The following CCDC178 variants were observed in gnomAD, a reference collection of about 807,000 sequenced individuals.
CCDC178 encodes coiled-coil domain-containing protein 178.
In CCDC178, 126 loss-of-function variants were observed where a neutral mutation model predicts 117.4. That is an observed-to-expected ratio of 1.07 (90% CI 0.93 to 1.24). The LOEUF (loss-of-function observed/expected upper bound fraction) is 1.24, where lower values mean the gene tolerates loss of function less well. Ranked by LOEUF, CCDC178 falls within the 50% of genes most tolerant of loss-of-function variation. The pLI, the probability that CCDC178 is intolerant of heterozygous loss-of-function variation, is 0.00. For missense variants in CCDC178, 1,030 were observed against 986.9 expected (o/e 1.04, Z -0.59); for synonymous variants, 283 against 313.4 (o/e 0.90, Z 1.02).
intron 21 of CCDC178, among the ~76,000 whole-genome samples, chr18:33,001,371 G>T (rs2055629411): frequency 6.6e-6 from 1 of 151,692 alleles, no homozygotes; most frequent in African/African-American, 2.4e-5. Context: ...AAATTAGCCG[G>T]ATGTGGTGGT....
intron 21 of CCDC178, among the ~76,000 whole-genome samples, chr18:33,041,430 T>C (rs1036368560): frequency 1.3e-5 from 2 of 150,342 alleles, no homozygotes; most frequent in Non-Finnish European, 3.0e-5. Context: ...ATATAATGTA[T>C]AATATATGTT....
intron 2 of CCDC178, among the ~76,000 whole-genome samples, chr18:33,432,478 T>TACACACACACACACAC (rs56111462): frequency 1.4e-5 from 2 of 143,312 alleles, no homozygotes; most frequent in Non-Finnish European, 3.1e-5. Context: ...GCCTTCTCCA[T>TACACACACACACACAC]ACACACACAC....
At position 33,091,847 on chromosome 18, in the gene CCDC178, G is replaced by T. The variant is rs569426464; in HGVS notation, c.2388+914C>A. The stretch of plus-strand genomic sequence containing the variant: ...TTATTACTTACAAAGTACTCTGTGA[G>T]GTAAATCTTATTTTATAGATGAGAA... On this transcript the variant is annotated intron_variant, in intron 21 of 22. Transcript: ENST00000383096. Among the ~76,000 whole-genome samples, 41 of 152,156 alleles carry T rather than the reference G, an allele frequency of 2.7e-4. No individual in the cohort carries two copies. The South Asian group carries it at 8.5e-3, about 32-fold the overall frequency.
chr18:33,429,205 T>A (rs569672868), intron 2 of CCDC178, among the ~76,000 whole-genome samples: 5 of 152,106 alleles, frequency 3.3e-5, no homozygotes, highest in African/African-American at 1.2e-4. Context: ...GATTAATATA[T>A]AAATAGTTAG....
chr18:33,258,299 T>A (rs2059703116), intron 14 of CCDC178, among the ~76,000 whole-genome samples: 1 of 152,146 alleles, frequency 6.6e-6, no homozygotes, highest in Non-Finnish European at 1.5e-5. Context: ...TCATACAATT[T>A]TCTAGCAACA....
intron 17 of CCDC178, among the ~76,000 whole-genome samples, chr18:33,224,326 T>C (rs2059274938): frequency 6.6e-6 from 1 of 152,168 alleles, no homozygotes; most frequent in Non-Finnish European, 1.5e-5. Context: ...TGCCATAAAC[T>C]TGTAATTTTG....
At chr18:33,394,538 T>C (rs1006353171) in intron 4 of CCDC178, among the ~76,000 whole-genome samples, 3 of 151,954 alleles carry the variant, frequency 2.0e-5, no homozygotes, top group Admixed American at 2.0e-4. Flanking sequence ...TCAAATAACA[T>C]ATTACTTAAG....
chr18:33,256,702 T>G (rs2059684333), intron 14 of CCDC178, among the ~76,000 whole-genome samples: 1 of 152,086 alleles, frequency 6.6e-6, no homozygotes, highest in African/African-American at 2.4e-5. Context: ...TTCCACAACT[T>G]GAATATTTCT....
chr18:33,295,787 T>C (rs938578641), intron 11 of CCDC178, among the ~76,000 whole-genome samples: 12 of 152,144 alleles, frequency 7.9e-5, no homozygotes, highest in African/African-American at 2.7e-4. Context: ...AAAAAAATAG[T>C]GTTCTCTTGT....
chr18:33,295,793 C>T (rs1216210692), intron 11 of CCDC178, among the ~76,000 whole-genome samples: 9 of 152,066 alleles, frequency 5.9e-5, no homozygotes, highest in Non-Finnish European at 1.3e-4. Context: ...ATAGTGTTCT[C>T]TTGTAGAGAA....
chr18:33,192,915 A>G (rs1024523738), intron 20 of CCDC178, among the ~76,000 whole-genome samples: 4 of 148,310 alleles, frequency 2.7e-5, no homozygotes, highest in African/African-American at 1.0e-4. Flanking sequence ...AAAAAAAAAA[A>G]GAAAAAGAAG....
At chr18:33,022,616 T>C (rs767641485) in intron 21 of CCDC178, among the ~76,000 whole-genome samples, 15 of 151,870 alleles carry the variant, frequency 9.9e-5, no homozygotes, top group Non-Finnish European at 1.9e-4. Context: ...AAAATCCAAG[T>C]GAAATTCAAA....
chr18:33,113,340 T>C (rs1441055030), intron 20 of CCDC178, among the ~76,000 whole-genome samples: 4 of 152,108 alleles, frequency 2.6e-5, no homozygotes, highest in Non-Finnish European at 5.9e-5. Context: ...TGTTGGACTT[T>C]ATTTATTTTA....
intron 21 of CCDC178, among the ~76,000 whole-genome samples, chr18:33,005,704 A>T (rs1055750725): frequency 6.6e-6 from 1 of 152,028 alleles, no homozygotes; most frequent in Admixed American, 6.6e-5. Context: ...CCTTTGTTAG[A>T]CTATTTCATG....
intron 15 of CCDC178, among the ~76,000 whole-genome samples, chr18:33,244,523 GT>G (rs1206955195): frequency 6.6e-6 from 1 of 151,834 alleles, no homozygotes; most frequent in East Asian, 1.9e-4. Flanking sequence ...TGATTTGATG[GT>G]TTTATAAGGG....
chr18:33,097,073 A>G (rs537316691), intron 20 of CCDC178, among the ~76,000 whole-genome samples: 1 of 152,256 alleles, frequency 6.6e-6, no homozygotes, highest in Admixed American at 6.5e-5. Context: ...ATCCAAAGGT[A>G]CAGTCTATTT....
chr18:32,985,458 T>C (rs1031191254), intron 21 of CCDC178, among the ~76,000 whole-genome samples: 14 of 151,960 alleles, frequency 9.2e-5, no homozygotes, highest in African/African-American at 3.4e-4. Context: ...AGAATTGTTC[T>C]AGCACTAGAA....
intron 20 of CCDC178, among the ~76,000 whole-genome samples, chr18:33,151,098 T>C (rs977611150): frequency 3.3e-5 from 5 of 152,200 alleles, no homozygotes; most frequent in Non-Finnish European, 5.9e-5. Context: ...TTGGGGAGGC[T>C]GGAAGAGGGT....
At chr18:33,024,303 G>A (rs1051499334) in intron 21 of CCDC178, among the ~76,000 whole-genome samples, 1 of 152,142 alleles carries the variant, frequency 6.6e-6, no homozygotes, top group Admixed American at 6.5e-5. Flanking sequence ...ACATGTCAAG[G>A]ATCAAGGTGC....
Sources: gnomAD v4.1 joint callset for allele counts (sites outside exome capture counted in the v4.1 genomes callset) on GRCh38, gnomAD v4.1.1 for gene constraint, MANE v1.5 for transcripts, NCBI Gene and HGNC (gene_info 2026-07-23, HGNC 2026-07-21) for gene names.